Variants in DOCK4 observed in about 807,000 individuals in gnomAD.
DOCK4 encodes the protein dedicator of cytokinesis 4.
A neutral mutation model predicts 268.1 loss-of-function variants in DOCK4; 97 were observed. The observed-to-expected ratio is 0.36, with a 90% CI of 0.31 to 0.43. DOCK4 has a LOEUF of 0.43. Ranked by LOEUF, DOCK4 falls within the 20% of genes least tolerant of loss-of-function variation. The probability of loss-of-function intolerance (pLI) is 1.00; values close to 1 mark genes in which losing one functional copy is unlikely to be tolerated. For synonymous variants in DOCK4, 954 were observed against 887.2 expected (o/e 1.08, Z -1.34); for missense variants, 2,145 against 2,455.7 (o/e 0.87, Z 2.67).
intron 40 of DOCK4, among the ~76,000 whole-genome samples, chr7:111,759,070 T>TTGTGTG (rs1430983375): frequency 4.8e-4 from 73 of 152,150 alleles, no homozygotes; most frequent in African/African-American, 1.7e-3. Flanking sequence ...TATCACTAAC[T>TTGTGTG]TGTGTGTGTG....
At position 111,790,594 on chromosome 7, in the gene DOCK4, G is replaced by C; in HGVS notation, c.3178C>G (p.Leu1060Val). 1 of 1,612,078 alleles carries C rather than the reference G, an allele frequency of 6.2e-7. No homozygotes were observed. Among genetic ancestry groups the C allele is most frequent in the African/African-American group, 1.3e-5 (1 of 74,942 alleles). ...SMWQNLGEHK[L>V]HFIPALIGPF... ...CCAATCAGGGCAGGGATAAAATGAA[G>C]CTTGTGCTCTCCTAAAGTGAGAAAA... The change falls in exon 31 of 53, where the codon CTT becomes GTT. Residue 1060 changes from leucine to valine, a missense_variant. Around this residue, in one of 2 missense-constraint regions of DOCK4, gnomAD observed 1,598 missense variants for 1,986.7 expected, o/e 0.80. Coordinates refer to ENST00000428084, the MANE Select transcript of DOCK4 (RefSeq NM_001363540.2).
chr7:111,818,262 C>A (rs73436203), intron 27 of DOCK4, among the ~76,000 whole-genome samples: 14,415 of 152,178 alleles, frequency 0.095, 2,190 homozygotes, highest in African/African-American at 0.32. Context: ...GGAGCCCAAA[C>A]GCACATGTCC....
chr7:112,112,150 T>G (rs1811711517), intron 1 of DOCK4, among the ~76,000 whole-genome samples: 1 of 152,156 alleles, frequency 6.6e-6, no homozygotes, highest in Non-Finnish European at 1.5e-5. Context: ...GAGGTGGGCT[T>G]AGTGGGCTGG....
At chr7:112,029,235 C>A (rs1384424306) in intron 1 of DOCK4, among the ~76,000 whole-genome samples, 1 of 152,148 alleles carries the variant, frequency 6.6e-6, no homozygotes, top group East Asian at 1.9e-4. Flanking sequence ...GATGGCCACT[C>A]CCAGAAAACA....
chr7:111,769,507 C>T (rs773536867), intron 37 of DOCK4, 22 bp downstream of exon 37: 59 of 1,612,556 alleles, frequency 3.7e-5, no homozygotes, highest in Non-Finnish European at 4.2e-5. Context: ...GGAGGGACCC[C>T]GGGCGGGGCA....
chr7:111,932,764 A>G (rs1001562581), intron 12 of DOCK4, among the ~76,000 whole-genome samples: 4 of 151,798 alleles, frequency 2.6e-5, no homozygotes, highest in Non-Finnish European at 2.9e-5. Context: ...GTTCTTTACA[A>G]TTACAGCACA....
chr7:111,973,937 G>A (rs1383788222), intron 8 of DOCK4, among the ~76,000 whole-genome samples: 1 of 152,116 alleles, frequency 6.6e-6, no homozygotes, highest in Non-Finnish European at 1.5e-5. Context: ...ATATAACAAT[G>A]CCTTAAAATC....
Position 111,844,764 on chromosome 7 carries a change from G to C in DOCK4, c.2735C>G (p.Thr912Ser), listed in dbSNP as rs765310006. ...SAMRFQFQDV[T>S]GEFVACLLSL... ...GTGCCATCTGCTCTATGATCTTACA[G>C]TGACATCCTGGAACTGGAACCGCAT... The change falls in exon 25 of 53, where the codon ACT (threonine) becomes AGT (serine). Residue 912 changes from threonine (T) to serine (S), a missense_variant and splice_region_variant. By Grantham distance (58) the Thr-to-Ser change is moderately conservative. Transcript: ENST00000428084. 1.2e-6 allele frequency: 2 copies of C among 1,612,850 alleles called. No homozygotes were observed. Among genetic ancestry groups the C allele is most frequent in the Non-Finnish European group, 1.7e-6 (2 of 1,179,368 alleles).
intron 1 of DOCK4, among the ~76,000 whole-genome samples, chr7:112,091,578 T>C (rs1445258791): frequency 2.0e-5 from 3 of 152,246 alleles, no homozygotes; most frequent in Middle Eastern, 3.4e-3. Flanking sequence ...CATTGATGAA[T>C]GGTTATAATT....
chr7:111,766,831 A>T (rs1288576421), intron 38 of DOCK4, among the ~76,000 whole-genome samples: 1 of 152,242 alleles, frequency 6.6e-6, no homozygotes. Context: ...AAACAGATCA[A>T]GTGCTCACTT....
chr7:112,001,231 T>C (rs1009665050), intron 2 of DOCK4, among the ~76,000 whole-genome samples: 1 of 152,128 alleles, frequency 6.6e-6, no homozygotes, highest in African/African-American at 2.4e-5. Flanking sequence ...CTTTCCACGG[T>C]TTCAGTTACT....
At chr7:112,070,845 C>G (rs1439922241) in intron 1 of DOCK4, among the ~76,000 whole-genome samples, 2 of 152,192 alleles carry the variant, frequency 1.3e-5, no homozygotes, top group Non-Finnish European at 2.9e-5. Context: ...TTCCCTGGAG[C>G]TTCATGAGTT....
intron 8 of DOCK4, chr7:111,976,410 A>G (rs1227341665): frequency 6.8e-6 from 1 of 146,680 alleles, no homozygotes; most frequent in Non-Finnish European, 1.5e-5. Context: ...GATTTGTGTG[A>G]TTCAATTCAA....
chr7:111,859,209 T>C (rs1805278900), intron 23 of DOCK4, among the ~76,000 whole-genome samples: 1 of 152,172 alleles, frequency 6.6e-6, no homozygotes, highest in Non-Finnish European at 1.5e-5. Flanking sequence ...TTTGTAGAGA[T>C]GCTGGTAATA....
rs142469027 is a variant in DOCK4, at chr7:111,978,149, T to C, written c.550-866A>G. 8.4e-3 allele frequency among the ~76,000 whole-genome samples: 1,275 copies of C among 152,302 alleles called. 11 individuals carry two copies. Among genetic ancestry groups the C allele is most frequent in the South Asian group, 0.041 (197 of 4,828 alleles). On this transcript the variant is annotated intron_variant, in intron 7 of 52. Coordinates refer to ENST00000428084, the MANE Select transcript of DOCK4 (RefSeq NM_001363540.2). ...ACACCTTCACAGAGCATCTATCTAC[T>C]AGGGGAAGCAGACATGAACAAAATT...
intron 1 of DOCK4, chr7:112,023,633 T>C (rs1299634054): frequency 8.8e-6 from 4 of 452,982 alleles, no homozygotes; most frequent in Non-Finnish European, 1.8e-5. Context: ...TGTTTGTTTT[T>C]AAAAACTCTG....
intron 1 of DOCK4, among the ~76,000 whole-genome samples, chr7:112,089,679 TAGTG>T (rs1436207726): frequency 2.6e-5 from 4 of 152,092 alleles, no homozygotes; most frequent in African/African-American, 4.8e-5. Context: ...GTTCTGATGA[TAGTG>T]AGTGAGTTCT....
At chr7:111,907,798 C>T (rs1192795926) in intron 13 of DOCK4, among the ~76,000 whole-genome samples, 1 of 152,088 alleles carries the variant, frequency 6.6e-6, no homozygotes, top group Non-Finnish European at 1.5e-5. Flanking sequence ...GCATGATCTC[C>T]ACTCACTGCA....
At chr7:112,048,742 A>T (rs573699180) in intron 1 of DOCK4, among the ~76,000 whole-genome samples, 1 of 151,964 alleles carries the variant, frequency 6.6e-6, no homozygotes, top group South Asian at 2.1e-4. Context: ...AAAAACATCA[A>T]CCTAGAATTC....
Sources: allele counts gnomAD v4.1 joint callset (sites outside exome capture counted in the v4.1 genomes callset), GRCh38; gene constraint gnomAD v4.1.1; regional missense constraint gnomAD v4.1.1; transcripts MANE v1.5; gene names NCBI Gene and HGNC (gene_info 2026-07-23, HGNC 2026-07-21).